DIP2C: variants seen among roughly 807,000 people sequenced by gnomAD.
DIP2C encodes DIP2 acetate--CoA ligase C (putative).
In DIP2C, 33 loss-of-function variants were observed where a neutral mutation model predicts 192.4. The ratio of observed to expected loss-of-function variants is 0.17; its 90% CI spans 0.13 to 0.23. The LOEUF (loss-of-function observed/expected upper bound fraction) is 0.23, where lower values mean the gene tolerates loss of function less well. Among genes scored for constraint, DIP2C ranks in the 10% least tolerant of loss-of-function variants. DIP2C has a pLI of 1.00. For synonymous variants in DIP2C, 979 were observed against 864.1 expected (o/e 1.13, Z -2.33); for missense variants, 1,537 against 2,110.1 (o/e 0.73, Z 5.32).
At chr10:576,356 C>T (rs1850156453) in intron 1 of DIP2C, among the ~76,000 whole-genome samples, 1 of 152,164 alleles carries the variant, frequency 6.6e-6, no homozygotes, top group Non-Finnish European at 1.5e-5. Context: ...TGTTGAAAGG[C>T]AATGTTAAGA....
At chr10:516,988 G>A (rs1444480015) in intron 1 of DIP2C, among the ~76,000 whole-genome samples, 4 of 151,612 alleles carry the variant, frequency 2.6e-5, no homozygotes, top group Non-Finnish European at 5.9e-5. Flanking sequence ...ATGGCCACAG[G>A]AAGTACCAAC....
chr10:533,822 CCCT>C (rs1847549164), intron 1 of DIP2C, among the ~76,000 whole-genome samples: 1 of 152,070 alleles, frequency 6.6e-6, no homozygotes, highest in Admixed American at 6.5e-5. Context: ...GTGTCCTCAA[CCCT>C]CCTGAGGCCG....
At chr10:489,338 C>T (rs1844256096) in intron 1 of DIP2C, among the ~76,000 whole-genome samples, 2 of 152,290 alleles carry the variant, frequency 1.3e-5, no homozygotes, top group Non-Finnish European at 2.9e-5. Context: ...CAATGTTTCC[C>T]GTGCGAATAC....
Position 509,621 on chromosome 10 carries a change from T to C in DIP2C, c.86-23091A>G, listed in dbSNP as rs188578574. Among the ~76,000 whole-genome samples the C allele has an allele frequency of 2.0e-4, 30 of 151,830 alleles. No individual in the cohort carries two copies. The East Asian group carries it at 4.8e-3, about 25-fold the overall frequency. ...CTCACTCTGCGCCAGGAGATCCGGG[T>C]GGTAGGCAGTGTTTTGGAGGGTGCT... On this transcript the variant is annotated intron_variant, in intron 1 of 36. Transcript: ENST00000280886.
intron 1 of DIP2C, among the ~76,000 whole-genome samples, chr10:681,438 G>A (rs557507893): frequency 6.7e-6 from 1 of 149,164 alleles, no homozygotes; most frequent in East Asian, 2.0e-4. Flanking sequence ...ACATGGTGCA[G>A]CCACCATCTA....
chr10:565,709 T>G (rs544493917), intron 1 of DIP2C, among the ~76,000 whole-genome samples: 1 of 152,238 alleles, frequency 6.6e-6, no homozygotes, highest in African/African-American at 2.4e-5. Context: ...TTCAAACTCC[T>G]GCAGTTGCCC....
chr10:394,554 CAAA>C (rs1963806275), intron 10 of DIP2C, among the ~76,000 whole-genome samples: 14 of 93,780 alleles, frequency 1.5e-4, no homozygotes, highest in South Asian at 4.0e-4. Flanking sequence ...TGTGCTGAAC[CAAA>C]GGACATTACG....
intron 1 of DIP2C, among the ~76,000 whole-genome samples, chr10:622,376 A>AGGGAGGGAGG (rs1853924634): frequency 5.0e-5 from 1 of 19,906 alleles, no homozygotes. Flanking sequence ...GGGAGAGAAG[A>AGGGAGGGAGG]AGGGGGAGGG....
chr10:497,145 T>C (rs1431149446), intron 1 of DIP2C, among the ~76,000 whole-genome samples: 1 of 151,930 alleles, frequency 6.6e-6, no homozygotes, highest in Non-Finnish European at 1.5e-5. Flanking sequence ...AATCAATCAA[T>C]CTCTACCTTA....
intron 1 of DIP2C, among the ~76,000 whole-genome samples, chr10:489,070 G>A (rs1331788444): frequency 2.0e-5 from 3 of 152,156 alleles, no homozygotes; most frequent in Admixed American, 1.3e-4. Context: ...AGAAGACGAC[G>A]GCTTGATGTG....
At position 553,499 on chromosome 10, in the gene DIP2C, G is replaced by A. The variant is rs182316677; in HGVS notation, c.86-66969C>T. Among the ~76,000 whole-genome samples, 6 of 152,280 alleles carry A rather than the reference G, an allele frequency of 3.9e-5. No homozygotes were observed. The East Asian group carries it at 9.6e-4, about 24-fold the overall frequency. ...TATCCAAAGGACCATAAAATTTTGC[G>A]TGTAAACACTTGAAGTTTGGCATAA... On this transcript the variant is annotated intron_variant, in intron 1 of 36. Transcript: ENST00000280886.
chr10:449,920 C>CAACAACAAAAAA (rs1408389732), intron 3 of DIP2C, among the ~76,000 whole-genome samples: 1 of 135,912 alleles, frequency 7.4e-6, no homozygotes, highest in African/African-American at 3.0e-5. Context: ...TCAACAACAA[C>CAACAACAAAAAA]AAAAAAAAAA....
intron 32 of DIP2C, among the ~76,000 whole-genome samples, chr10:291,800 A>G: frequency 6.6e-6 from 1 of 152,244 alleles, no homozygotes; most frequent in East Asian, 1.9e-4. Context: ...TGGGGTTATT[A>G]ACACTTCTCA....
At chr10:348,579 C>T (rs1308831512) in intron 26 of DIP2C, 62 bp downstream of exon 26, 14 of 1,577,666 alleles carry the variant, frequency 8.9e-6, no homozygotes, top group East Asian at 2.3e-5. Flanking sequence ...AGAGTCTGCG[C>T]GTTGCAAGCT....
At chr10:550,666 G>A (rs1439741494) in intron 1 of DIP2C, among the ~76,000 whole-genome samples, 1 of 152,170 alleles carries the variant, frequency 6.6e-6, no homozygotes, top group Non-Finnish European at 1.5e-5. Context: ...AGGGATGGCA[G>A]AAGCCTCCTG....
At chr10:545,686 G>A (rs1848248171) in intron 1 of DIP2C, among the ~76,000 whole-genome samples, 1 of 152,198 alleles carries the variant, frequency 6.6e-6, no homozygotes, top group East Asian at 1.9e-4. Flanking sequence ...ACGGTACCCA[G>A]CAGACTGACA....
At chr10:566,488 A>G (rs1438189697) in intron 1 of DIP2C, among the ~76,000 whole-genome samples, 1 of 152,138 alleles carries the variant, frequency 6.6e-6, no homozygotes, top group Non-Finnish European at 1.5e-5. Flanking sequence ...CACACCGCAC[A>G]CTGATATTTT....
At chr10:469,503 G>A (rs1463249668) in intron 3 of DIP2C, among the ~76,000 whole-genome samples, 1 of 151,998 alleles carries the variant, frequency 6.6e-6, no homozygotes, top group African/African-American at 2.4e-5. Flanking sequence ...TTTTCATAGA[G>A]ATGGGGTTTC....
At chr10:605,378 T>G (rs767601458) in intron 1 of DIP2C, among the ~76,000 whole-genome samples, 44 of 152,232 alleles carry the variant, frequency 2.9e-4, no homozygotes, top group Non-Finnish European at 5.9e-4. Context: ...TCCTGAAACA[T>G]TCTTTCAATT....
Sources: allele counts gnomAD v4.1 joint callset (sites outside exome capture counted in the v4.1 genomes callset), GRCh38; gene constraint gnomAD v4.1.1; transcripts MANE v1.5; gene names NCBI Gene and HGNC (gene_info 2026-07-23, HGNC 2026-07-21).